FES: variants seen among roughly 807,000 people sequenced by gnomAD.
The protein encoded by FES is tyrosine-protein kinase Fes/Fps.
A neutral mutation model predicts 109.6 loss-of-function variants in FES; 83 were observed. The ratio of observed to expected loss-of-function variants is 0.76; its 90% CI spans 0.63 to 0.91. FES has a LOEUF of 0.91. FES is among the 40% of genes least tolerant of loss of function. The pLI, the probability that FES is intolerant of heterozygous loss-of-function variation, is 0.00. For missense variants in FES, 943 were observed against 1,070.9 expected (o/e 0.88, Z 1.67); for synonymous variants, 458 against 442.1 (o/e 1.04, Z -0.45).
chr15:90,892,841 A>G lies in FES; in HGVS notation c.1826+16A>G. ...AGGAAGCGAGGTGGGTGATAAACTA[A>G]TGATCACCACGGGTCCCGCATACAC... On this transcript the variant is annotated intron_variant, in intron 14 of 18. Coordinates refer to ENST00000328850, the MANE Select transcript of FES (RefSeq NM_002005.4). The G allele has an allele frequency of 6.2e-7, 1 of 1,600,198 alleles. No individual in the cohort carries two copies. The highest frequency in any genetic ancestry group is 8.6e-7 in the Non-Finnish European group (1 of 1,168,044).
Position 90,891,585 on chromosome 15 carries a change from C to A in FES, c.1562C>A (p.Pro521His). 6.2e-7 allele frequency: 1 copy of A among 1,613,804 alleles called. No individual in the cohort carries two copies. Among genetic ancestry groups the A allele is most frequent in the Non-Finnish European group, 8.5e-7 (1 of 1,179,878 alleles). Residue 521 changes from proline (P) to histidine (H), a missense_variant, in exon 12 of 19, where the codon CCT (proline) becomes CAT (histidine). Physicochemically the swap from Pro to His is moderately conservative, Grantham distance 77. Transcript: ENST00000328850. ...NLYRLEGEGF[P>H]SIPLLIDHLL... ...TACCGACTGGAAGGGGAAGGCTTTCCTAGCATTCCTTTGCTCATCGACCAC... is the reference window on the plus strand; with the variant it reads ...TACCGACTGGAAGGGGAAGGCTTTCATAGCATTCCTTTGCTCATCGACCAC...
chr15:90,888,793 TTTAG>T (rs2032915604), intron 5 of FES, among the ~76,000 whole-genome samples: 1 of 134,970 alleles, frequency 7.4e-6, no homozygotes, highest in Admixed American at 7.6e-5. Context: ...TATTTATTTA[TTTAG>T]AGATGTAGTC....
chr15:90,891,099 T>C lies in FES; in HGVS notation c.1438T>C (p.Phe480Leu), dbSNP rs1022353194. 1 of 1,590,498 alleles carries C rather than the reference T, an allele frequency of 6.3e-7. No homozygotes were observed. Among genetic ancestry groups the C allele is most frequent in the Non-Finnish European group, 8.6e-7 (1 of 1,168,318 alleles). ...TGAGCTGCTGGTGCACTCTGGGGAC[T>C]TCCTGGTGCGGGAGAGCCAGGGCAA... is the stretch of plus-strand genomic sequence containing the variant. The part of the protein sequence containing the change: ...VAELLVHSGD[F>L]LVRESQGKQE... The change falls in exon 11 of 19, where the codon TTC becomes CTC. Residue 480 changes from phenylalanine (F) to leucine (L), a missense_variant. Transcript: ENST00000328850.
At chr15:90,890,646 C>T (rs2033125634) in intron 10 of FES, 162 bp downstream of exon 10, 2 of 676,376 alleles carry the variant, frequency 3.0e-6, no homozygotes, top group Non-Finnish European at 5.0e-6. Context: ...CCTGTGACCC[C>T]TCCCTTTCCA....
Position 90,893,418 on chromosome 15 carries a change from AGTGGGCGGTGGCCACGGGCCCT to A in FES, c.2045+6_2045+27del. On this transcript the variant is annotated splice_donor_5th_base_variant and intron_variant, in intron 16 of 18. Transcript: ENST00000328850. ...AGAGCAAGTGCTGCATCCACCGGTGAGTGGGCGGTGGCCACGGGCCCTGCCAACACCCCCGACCAGAGTCAAG... is the reference window on the plus strand; with the variant it reads ...AGAGCAAGTGCTGCATCCACCGGTGAGCCAACACCCCCGACCAGAGTCAAG... 6.5e-7 allele frequency: 1 copy of A among 1,536,376 alleles called. No individual in the cohort carries two copies. Among genetic ancestry groups the A allele is most frequent in the South Asian group, 1.3e-5 (1 of 79,578 alleles).
Position 90,891,611 on chromosome 15 carries a change from CTA to C in FES, c.1589_1590del (p.Leu530ProfsTer29). The C allele has an allele frequency of 6.2e-7, 1 of 1,614,066 alleles. No individual in the cohort carries two copies. Among genetic ancestry groups the C allele is most frequent in the East Asian group, 2.2e-5 (1 of 44,884 alleles). On this transcript the variant is annotated frameshift_variant, in exon 12 of 19. Coordinates refer to ENST00000328850, the MANE Select transcript of FES (RefSeq NM_002005.4). LOFTEE classifies it high-confidence loss of function. ...FPSIPLLIDH[L>X]LSTQQPLTKK... Reference sequence around the variant, plus strand: ...TAGCATTCCTTTGCTCATCGACCACCTACTGAGCACCCAGCAGCCCCTCACCA... The same window carrying C: ...TAGCATTCCTTTGCTCATCGACCACCCTGAGCACCCAGCAGCCCCTCACCA...
At chr15:90,890,956 C>A in intron 10 of FES, 26 bp from the exon 11 acceptor site, 1 of 1,554,348 alleles carries the variant, frequency 6.4e-7, no homozygotes, top group Non-Finnish European at 8.7e-7. Context: ...GGTTAAGTGA[C>A]TCCTCCTCGA....
chr15:90,892,926 T>G, intron 14 of FES, 101 bp downstream of exon 14: 2 of 1,399,336 alleles, frequency 1.4e-6, no homozygotes, highest in Non-Finnish European at 2.0e-6. Context: ...TGTTTAGTCC[T>G]CGAGGCCCCC....
chr15:90,894,185 C>G lies in FES; in HGVS notation c.2326+127C>G, dbSNP rs577974350. 83 of 1,100,108 alleles carry G rather than the reference C, an allele frequency of 7.5e-5. 1 individual carries two copies. The highest frequency in any genetic ancestry group is 5.9e-4 in the East Asian group (25 of 42,160). The allele number at this position is 1,100,108 out of a possible 1,614,324, so 68.1% of individuals were successfully genotyped here. On this transcript the variant is annotated intron_variant, in intron 18 of 18. Coordinates refer to ENST00000328850, the MANE Select transcript of FES (RefSeq NM_002005.4). Reference sequence around the variant, plus strand: ...AATAAGAATAACCTGGCCAGTTGCTCACGCCTGTCATCCCAGCACTTTGGG... The same window carrying G: ...AATAAGAATAACCTGGCCAGTTGCTGACGCCTGTCATCCCAGCACTTTGGG...
At position 90,890,004 on chromosome 15, in the gene FES, C is replaced by T. The variant is rs1019418719; in HGVS notation, c.1049+42C>T. ...CTGCAGCAGCCTCCTGGGCCTCCCT[C>T]CCTCCTACCTACCCTAACTGCTGCT... is the stretch of plus-strand genomic sequence containing the variant. On this transcript the variant is annotated intron_variant, in intron 8 of 18. Coordinates refer to ENST00000328850, the MANE Select transcript of FES (RefSeq NM_002005.4). 5 of 1,601,048 alleles carry T rather than the reference C, an allele frequency of 3.1e-6. No homozygotes were observed. In the Admixed American group the frequency reaches 5.0e-5, roughly 16 times the overall value.
intron 18 of FES, 145 bp from the exon 19 acceptor site, chr15:90,895,271 G>C: frequency 4.6e-6 from 3 of 653,828 alleles, no homozygotes; most frequent in Admixed American, 6.2e-5. Flanking sequence ...AGGCCTCTTT[G>C]TCCTTTGGGC....
Position 90,892,448 on chromosome 15 carries a change from C to A in FES, c.1708-259C>A, listed in dbSNP as rs1048202611. ...AGTCACTGTCCTAAAAATCAGAATG[C>A]TTTTCAAACCCAAGGGAGAGTGATT... On this transcript the variant is annotated intron_variant, in intron 13 of 18. Transcript: ENST00000328850. 6 of 578,566 alleles carry A rather than the reference C, an allele frequency of 1.0e-5. No homozygotes were observed. In the Admixed American group the frequency reaches 1.5e-4, roughly 14 times the overall value. The allele number at this position is 578,566 out of a possible 1,614,324, so 35.8% of individuals were successfully genotyped here.
intron 13 of FES, 105 bp from the exon 14 acceptor site, chr15:90,892,602 A>T: frequency 8.8e-7 from 1 of 1,132,758 alleles, no homozygotes; most frequent in East Asian, 2.6e-5. Flanking sequence ...GAGGGGTCCG[A>T]ACACGGGGGC....
rs1567096583 is a variant in FES, at chr15:90,889,615, CTG to C, written c.908_909del (p.Val303GlyfsTer13). On this transcript the variant is annotated frameshift_variant, in exon 7 of 19. Transcript: ENST00000328850. LOFTEE classifies it high-confidence loss of function. The surrounding 1 kb of genome is among the most constrained non-coding windows in gnomAD (Gnocchi z 6.1). Reference sequence around the variant, plus strand: ...GGGGAGCTCCAGCTGAACGAGCTGACTGTGGAGAGCGTGCAGCACACGTGGGT... The same window carrying C: ...GGGGAGCTCCAGCTGAACGAGCTGACTGGAGAGCGTGCAGCACACGTGGGT... 1.9e-6 allele frequency: 3 copies of C among 1,613,462 alleles called. No homozygotes were observed. Among genetic ancestry groups the C allele is most frequent in the South Asian group, 1.1e-5 (1 of 91,064 alleles).
At chr15:90,890,895 TA>T (rs1458392660) in intron 10 of FES, 86 bp from the exon 11 acceptor site, 8 of 1,302,976 alleles carry the variant, frequency 6.1e-6, no homozygotes, top group Non-Finnish European at 8.5e-6. Context: ...TGAGGGCATA[TA>T]GGGGGGAGAG....
rs199830753 is a variant in FES, at chr15:90,892,117, T to C, written c.1707+6T>C. 4 of 1,613,836 alleles carry C rather than the reference T, an allele frequency of 2.5e-6. No individual in the cohort carries two copies. The South Asian group carries it at 3.3e-5, about 13-fold the overall frequency. ...TGGGTGAGCAGATTGGACGGGTGAG[T>C]GCGCCTCTGCTGGCCTCCTTGTCGC... On this transcript the variant is annotated splice_donor_region_variant and intron_variant, in intron 13 of 18. Coordinates refer to ENST00000328850, the MANE Select transcript of FES (RefSeq NM_002005.4).
At chr15:90,888,593 G>A (rs1385308389) in intron 5 of FES, among the ~76,000 whole-genome samples, 1 of 138,400 alleles carries the variant, frequency 7.2e-6, no homozygotes, top group Non-Finnish European at 1.6e-5. Flanking sequence ...TGAAGCCAGT[G>A]GGATTTCCCT....
At chr15:90,892,606 C>T (rs977213742) in intron 13 of FES, 101 bp from the exon 14 acceptor site, 13 of 1,178,446 alleles carry the variant, frequency 1.1e-5, no homozygotes, top group Admixed American at 4.3e-5. Context: ...GGTCCGAACA[C>T]GGGGGCCCCT....
At position 90,891,065 on chromosome 15, in the gene FES, A is replaced by T. The variant is rs755183833; in HGVS notation, c.1404A>T (p.Ala468=). The T allele has an allele frequency of 6.3e-7, 1 of 1,598,442 alleles. No homozygotes were observed. The highest frequency in any genetic ancestry group is 1.1e-5 in the South Asian group (1 of 88,232). The change falls in exon 11 of 19, where the codon GCA becomes GCT. Residue 468 remains alanine (A), a synonymous_variant. Coordinates refer to ENST00000328850, the MANE Select transcript of FES (RefSeq NM_002005.4). ...QLWYHGAIPR[A]EVAELLVHSG... Reference sequence around the variant, plus strand: ...GGTACCACGGGGCCATCCCGAGGGCAGAGGTGGCTGAGCTGCTGGTGCACT... The same window carrying T: ...GGTACCACGGGGCCATCCCGAGGGCTGAGGTGGCTGAGCTGCTGGTGCACT...
Sources: allele counts gnomAD v4.1 joint callset (sites outside exome capture counted in the v4.1 genomes callset), GRCh38; gene constraint gnomAD v4.1.1; non-coding constraint Gnocchi (gnomAD v3.1); transcripts MANE v1.5; gene names NCBI Gene and HGNC (gene_info 2026-07-23, HGNC 2026-07-21).